Variants in GATA5 observed in about 807,000 individuals in gnomAD.
GATA5 encodes the protein GATA binding protein 5.
Under a neutral mutation model 35.0 loss-of-function variants are expected in GATA5, and 27 were observed. That is an observed-to-expected ratio of 0.77 (90% CI 0.57 to 1.06). The LOEUF (loss-of-function observed/expected upper bound fraction) is 1.06, where lower values mean the gene tolerates loss of function less well. Among genes scored for constraint, GATA5 ranks in the 50% least tolerant of loss-of-function variants. The probability of loss-of-function intolerance (pLI) is 0.00; values close to 1 mark genes in which losing one functional copy is unlikely to be tolerated. For synonymous variants in GATA5, 306 were observed against 267.8 expected (o/e 1.14, Z -1.39); for missense variants, 612 against 580.0 (o/e 1.06, Z -0.57).
intron 5 of GATA5, 102 bp from the exon 6 acceptor site, chr20:62,465,566 G>A (rs1989563722): frequency 6.9e-7 from 1 of 1,450,552 alleles, no homozygotes; most frequent in East Asian, 2.3e-5. Flanking sequence ...AGAGAGGTTT[G>A]GAGACTCCTC....
Position 62,465,375 on chromosome 20 carries a change from A to C in GATA5, c.1003T>G (p.Ser335Ala). ...ATGCTGGGCCCAGGGCACACTGGGG[A>C]CGCCAGGCTGGGCTTGGCTTTCGAA... The part of the protein sequence containing the change: ...ATSKAKPSLA[S>A]PVCPGPSMAP... Residue 335 changes from serine to alanine, a missense_variant, in exon 6 of 7, where the codon TCC becomes GCC. By Grantham distance (99) the Ser-to-Ala change is moderately conservative. Transcript: ENST00000252997. 2 of 1,598,836 alleles carry C rather than the reference A, an allele frequency of 1.3e-6. No individual in the cohort carries two copies. The highest frequency in any genetic ancestry group is 1.7e-6 in the Non-Finnish European group (2 of 1,176,428).
chr20:62,466,960 G>T (rs1336288507), intron 3 of GATA5, among the ~76,000 whole-genome samples: 1 of 152,210 alleles, frequency 6.6e-6, no homozygotes, highest in East Asian at 1.9e-4. Context: ...CACAACAAGC[G>T]TCAGGGCCTG....
chr20:62,472,198 G>T (rs1430281872), intron 3 of GATA5, among the ~76,000 whole-genome samples: 1 of 152,118 alleles, frequency 6.6e-6, no homozygotes, highest in African/African-American at 2.4e-5. Context: ...CCGAGAGGCA[G>T]GCATGGGAGG....
chr20:62,465,344 G>A lies in GATA5; in HGVS notation c.1034C>T (p.Pro345Leu). ...CACCCCAGCCCACCCCCTTACCTGG[G>A]GGGCCATGCTGGGCCCAGGGCACAC... is the stretch of plus-strand genomic sequence containing the variant. ...SPVCPGPSMA[P>L]QASGQEDDSL... The change falls in exon 6 of 7, where the codon CCC becomes CTC. Residue 345 changes from proline (P) to leucine (L), a missense_variant. Coordinates refer to ENST00000252997, the MANE Select transcript of GATA5 (RefSeq NM_080473.5). 1 of 1,595,506 alleles carries A rather than the reference G, an allele frequency of 6.3e-7. No homozygotes were observed. Among genetic ancestry groups the A allele is most frequent in the Non-Finnish European group, 8.5e-7 (1 of 1,177,858 alleles).
Position 62,465,866 on chromosome 20 carries a change from G to C in GATA5, c.881C>G (p.Pro294Arg). The C allele has an allele frequency of 6.3e-7, 1 of 1,597,248 alleles. No homozygotes were observed. Among genetic ancestry groups the C allele is most frequent in the Non-Finnish European group, 8.5e-7 (1 of 1,171,818 alleles). The change falls in exon 5 of 7, where the codon CCA becomes CGA. Residue 294 changes from proline (P) to arginine (R), a missense_variant. Pro to Arg is a moderately radical substitution (Grantham distance 103). Transcript: ENST00000252997. The part of the protein sequence containing the change: ...KESIQTRKRK[P>R]KTIAKARGSS... ...GCCCCTGGCCTTGGCGATGGTCTTT[G>C]GCTTCCGCTTCCGTGTCTGGATGCT...
chr20:62,472,698 C>T (rs1989752697), intron 3 of GATA5, among the ~76,000 whole-genome samples: 1 of 152,238 alleles, frequency 6.6e-6, no homozygotes, highest in African/African-American at 2.4e-5. Context: ...TAGAACAAAG[C>T]AACTTTCAGC....
At position 62,466,649 on chromosome 20, in the gene GATA5, G is replaced by A. The variant is rs568656339; in HGVS notation, c.700-98C>T. 1,210 of 1,392,180 alleles carry A rather than the reference G, an allele frequency of 8.7e-4. 18 individuals carry two copies. In the South Asian group the frequency reaches 0.011, roughly 13 times the overall value. 86.2% of individuals were successfully genotyped at this position (1,392,180 alleles called of 1,614,324 possible). On this transcript the variant is annotated intron_variant, in intron 3 of 6. Coordinates refer to ENST00000252997, the MANE Select transcript of GATA5 (RefSeq NM_080473.5). ...CTCAGGTCGGCCTTGCGGCCACGCA[G>A]GACCCGGTGAGAAGGTCGTGAGCTC...
intron 3 of GATA5, among the ~76,000 whole-genome samples, chr20:62,467,460 A>C (rs868929217): frequency 1.3e-5 from 2 of 152,212 alleles, no homozygotes; most frequent in Non-Finnish European, 2.9e-5. Flanking sequence ...CGAATCTCAG[A>C]GCACAGCTCT....
intron 2 of GATA5, among the ~76,000 whole-genome samples, chr20:62,474,167 G>A (rs1287275853): frequency 1.3e-5 from 2 of 152,238 alleles, no homozygotes; most frequent in Admixed American, 6.5e-5. Context: ...GGCCAGCCCC[G>A]CCTCACAGCC....
chr20:62,466,742 T>G (rs1989602393), intron 3 of GATA5, among the ~76,000 whole-genome samples, 191 bp from the exon 4 acceptor site: 1 of 152,218 alleles, frequency 6.6e-6, no homozygotes, highest in South Asian at 2.1e-4. Context: ...AACTTTACCT[T>G]CCTGGGCCTC....
Position 62,474,985 on chromosome 20 carries a change from G to GC in GATA5, c.523+13dup. ...CGCTCCTGGGCCCCGAGACTGTGGA[G>GC]CCCCCGCACTCACCGAAGGTGGGCC... On this transcript the variant is annotated intron_variant, in intron 2 of 6. Transcript: ENST00000252997. The GC allele has an allele frequency of 7.6e-7, 1 of 1,311,050 alleles. No homozygotes were observed. 81.2% of individuals were successfully genotyped at this position (1,311,050 alleles called of 1,614,324 possible).
chr20:62,466,219 G>A (rs545479210), intron 4 of GATA5, among the ~76,000 whole-genome samples: 8 of 152,344 alleles, frequency 5.3e-5, no homozygotes, highest in Non-Finnish European at 8.8e-5. Context: ...CTCAGTCAGC[G>A]CGTCTGTGCC....
intron 6 of GATA5, 93 bp from the exon 7 acceptor site, chr20:62,465,084 G>T (rs1989546711): frequency 9.1e-7 from 1 of 1,098,458 alleles, no homozygotes; most frequent in South Asian, 1.5e-5. Flanking sequence ...GAGCTCCCAT[G>T]ACCGGTATTT....
chr20:62,469,829 G>C (rs1360838832), intron 3 of GATA5, among the ~76,000 whole-genome samples: 1 of 152,242 alleles, frequency 6.6e-6, no homozygotes, highest in Non-Finnish European at 1.5e-5. Context: ...GCTCAGAGGA[G>C]CTGCGGGACC....
rs1555897007 is a variant in GATA5, at chr20:62,475,197, C to T, written c.325G>A (p.Gly109Arg). 24 of 1,258,730 alleles carry T rather than the reference C, an allele frequency of 1.9e-5. No individual in the cohort carries two copies. The highest frequency in any genetic ancestry group is 2.2e-5 in the Non-Finnish European group (22 of 1,000,002). 78.0% of individuals were successfully genotyped at this position (1,258,730 alleles called of 1,614,324 possible). The change falls in exon 2 of 7, where the codon GGG becomes AGG. Residue 109 changes from glycine to arginine, a missense_variant. Coordinates refer to ENST00000252997, the MANE Select transcript of GATA5 (RefSeq NM_080473.5). ...TGGTAGGCACTGCCGTCTCGGCCCC[C>T]CGCGCTGCCGCCGCTGCCGGGCCCC... ...PSGPGSGGSA[G>R]GRDGSAYQGA...
Position 62,475,132 on chromosome 20 carries a change from A to G in GATA5, c.390T>C (p.Leu130=), listed in dbSNP as rs373706342. ...AGTACGAGGTCCCCACCGGCCGCCCAAGCGGGGCCGCGAACTGTTCTCGAG... is the reference window on the plus strand; with the variant it reads ...AGTACGAGGTCCCCACCGGCCGCCCGAGCGGGGCCGCGAACTGTTCTCGAG... ...LLPREQFAAP[L]GRPVGTSYSA... The change falls in exon 2 of 7, where the codon CTT becomes CTC. Residue 130 remains leucine (L), a synonymous_variant. Coordinates refer to ENST00000252997, the MANE Select transcript of GATA5 (RefSeq NM_080473.5). 16 of 1,367,824 alleles carry G rather than the reference A, an allele frequency of 1.2e-5. No individual in the cohort carries two copies. The African/African-American group carries it at 2.4e-4, about 21-fold the overall frequency. The allele number at this position is 1,367,824 out of a possible 1,614,324, so 84.7% of individuals were successfully genotyped here. A position where few individuals can be genotyped will look rare whatever the true frequency, so the allele number is the denominator to read the frequency against.
Position 62,464,662 on chromosome 20 carries a change from C to G in GATA5, c.*174G>C, listed in dbSNP as rs1233594046. ...TCACCAGCCTTCTTGCTCTGGGGCC[C>G]GACTGCCGTCTGTCCAGAAGGCCTC... is the stretch of plus-strand genomic sequence containing the variant. On this transcript the variant is annotated 3_prime_UTR_variant, in exon 7 of 7. Coordinates refer to ENST00000252997, the MANE Select transcript of GATA5 (RefSeq NM_080473.5). The G allele has an allele frequency of 1.9e-6, 1 of 525,576 alleles. No homozygotes were observed. The highest frequency in any genetic ancestry group is 3.2e-6 in the Non-Finnish European group (1 of 311,500). The allele number at this position is 525,576 out of a possible 1,614,324, so 32.6% of individuals were successfully genotyped here.
chr20:62,474,458 C>G (rs974995131), intron 2 of GATA5, among the ~76,000 whole-genome samples: 1 of 152,224 alleles, frequency 6.6e-6, no homozygotes, highest in East Asian at 1.9e-4. Context: ...TCCAAGGTCC[C>G]GGAGGGACGG....
chr20:62,466,331 CGCTCCTCCCCA>C, intron 4 of GATA5, 84 bp downstream of exon 4: 1 of 1,379,032 alleles, frequency 7.3e-7, no homozygotes, highest in Non-Finnish European at 9.7e-7. Flanking sequence ...CCATCCTGCC[CGCTCCTCCCCA>C]GCCTCTTGGT....
Sources: gnomAD v4.1 joint callset for allele counts (sites outside exome capture counted in the v4.1 genomes callset) on GRCh38, gnomAD v4.1.1 for gene constraint, MANE v1.5 for transcripts, NCBI Gene and HGNC (gene_info 2026-07-23, HGNC 2026-07-21) for gene names.